The following FGGY variants were observed in gnomAD, a reference collection of about 807,000 sequenced individuals.
FGGY encodes the protein FGGY carbohydrate kinase domain containing.
In FGGY, 72 loss-of-function variants were observed where a neutral mutation model predicts 71.3. The ratio of observed to expected loss-of-function variants is 1.01; its 90% CI spans 0.84 to 1.23. The LOEUF is 1.23. FGGY is among the 50% of genes most tolerant of loss of function. The probability of loss-of-function intolerance (pLI) is 0.00; values close to 1 mark genes in which losing one functional copy is unlikely to be tolerated. For missense variants in FGGY, 668 were observed against 682.3 expected, an observed-to-expected ratio of 0.98 and a Z score of 0.23; for synonymous variants, 251 against 250.3, an observed-to-expected ratio of 1.00 and a Z score of -0.02.
At chr1:59,693,494 C>G (rs2097614208) in intron 14 of FGGY, among the ~76,000 whole-genome samples, 1 of 152,118 alleles carries the variant, frequency 6.6e-6, no homozygotes, top group Non-Finnish European at 1.5e-5. Context: ...CTGGCACAGG[C>G]AGCGTGTCAT....
intron 9 of FGGY, among the ~76,000 whole-genome samples, chr1:59,616,954 AAT>A (rs1369216335): frequency 1.3e-5 from 2 of 152,148 alleles, no homozygotes; most frequent in Non-Finnish European, 2.9e-5. Context: ...ATGGCCTTTT[AAT>A]ATGTTTTATT....
At chr1:59,632,193 A>C (rs909133102) in intron 10 of FGGY, among the ~76,000 whole-genome samples, 5 of 152,230 alleles carry the variant, frequency 3.3e-5, no homozygotes, top group African/African-American at 9.6e-5. Context: ...CATGCAGTAC[A>C]TACATGCAAA....
intron 4 of FGGY, among the ~76,000 whole-genome samples, chr1:59,366,737 T>G (rs1333434336): frequency 2.0e-5 from 3 of 152,168 alleles, no homozygotes; most frequent in Non-Finnish European, 4.4e-5. Context: ...TTCAGAAGTT[T>G]GTCATTTCAA....
intron 4 of FGGY, among the ~76,000 whole-genome samples, chr1:59,354,691 C>T (rs576373909): frequency 5.3e-5 from 8 of 152,152 alleles, no homozygotes; most frequent in East Asian, 1.9e-4. Context: ...CTTTGCTGGG[C>T]GCTGGAGATG....
intron 11 of FGGY, among the ~76,000 whole-genome samples, chr1:59,652,607 C>A (rs2153938771): frequency 7.1e-6 from 1 of 141,778 alleles, no homozygotes; most frequent in South Asian, 2.5e-4. Flanking sequence ...GCTCCATCGG[C>A]TCCTTTAAGC....
At chr1:59,560,499 A>T (rs1173382768) in intron 8 of FGGY, among the ~76,000 whole-genome samples, 2 of 152,232 alleles carry the variant, frequency 1.3e-5, no homozygotes, top group Non-Finnish European at 2.9e-5. Flanking sequence ...ACTTGACAAG[A>T]TAGTAATGAT....
At chr1:59,511,891 G>A (rs1399646143) in intron 6 of FGGY, among the ~76,000 whole-genome samples, 4 of 152,270 alleles carry the variant, frequency 2.6e-5, no homozygotes, top group African/African-American at 4.8e-5. Flanking sequence ...AGGAATATAC[G>A]TTCATTAGAG....
intron 9 of FGGY, among the ~76,000 whole-genome samples, chr1:59,614,100 A>G (rs2096722184): frequency 6.6e-6 from 1 of 152,230 alleles, no homozygotes; most frequent in African/African-American, 2.4e-5. Context: ...TCCTTCTGAA[A>G]CTATTCCAAT....
At chr1:59,656,584 G>C (rs1020862651) in intron 11 of FGGY, among the ~76,000 whole-genome samples, 15 of 152,204 alleles carry the variant, frequency 9.9e-5, no homozygotes, top group Non-Finnish European at 2.9e-5. Context: ...TCAGACCACA[G>C]TGTCTTTGCA....
intron 6 of FGGY, among the ~76,000 whole-genome samples, chr1:59,471,461 A>C (rs938091320): frequency 3.3e-5 from 5 of 152,156 alleles, no homozygotes; most frequent in Non-Finnish European, 5.9e-5. Context: ...TTTGCCTGTC[A>C]CCCTGAGCTT....
chr1:59,353,066 C>T (rs974999280), intron 4 of FGGY, among the ~76,000 whole-genome samples: 1 of 152,120 alleles, frequency 6.6e-6, no homozygotes. Flanking sequence ...CAGAAAAGTA[C>T]AGGATTTGGA....
chr1:59,718,397 G>A (rs2097860096), intron 14 of FGGY, among the ~76,000 whole-genome samples: 1 of 152,152 alleles, frequency 6.6e-6, no homozygotes, highest in South Asian at 2.1e-4. Flanking sequence ...AGTAATAAAG[G>A]GCTTGCCTTC....
intron 14 of FGGY, among the ~76,000 whole-genome samples, chr1:59,678,965 C>T (rs2097464730): frequency 6.6e-6 from 1 of 152,190 alleles, no homozygotes; most frequent in African/African-American, 2.4e-5. Context: ...CCACTGACTC[C>T]ATGCACTCTC....
Position 59,568,082 on chromosome 1 carries a change from G to T in FGGY, c.903+13855G>T, listed in dbSNP as rs2095906887. On this transcript the variant is annotated intron_variant, in intron 8 of 15. Transcript: ENST00000303721. ...TATATACAATATAATGCATAACACT[G>T]CCAGTGAAGTTTGGAGCAGCACCTG... 2.0e-5 allele frequency among the ~76,000 whole-genome samples: 3 copies of T among 152,030 alleles called. No homozygotes were observed. The South Asian group carries it at 6.2e-4, about 32-fold the overall frequency.
At chr1:59,662,019 G>A (rs974413936) in intron 12 of FGGY, among the ~76,000 whole-genome samples, 9 of 143,564 alleles carry the variant, frequency 6.3e-5, no homozygotes, top group African/African-American at 2.0e-4. Context: ...GCACCTGGCC[G>A]AGTTAAGAGG....
At chr1:59,589,712 A>C (rs1285341471) in intron 8 of FGGY, among the ~76,000 whole-genome samples, 1 of 152,262 alleles carries the variant, frequency 6.6e-6, no homozygotes, top group East Asian at 1.9e-4. Context: ...AAATGAAGGC[A>C]GTAATAAAGG....
At chr1:59,402,386 G>C (rs1396720920) in intron 5 of FGGY, among the ~76,000 whole-genome samples, 3 of 152,186 alleles carry the variant, frequency 2.0e-5, no homozygotes, top group Non-Finnish European at 4.4e-5. Context: ...GTAGGACCAA[G>C]AGTGGGCTAC....
chr1:59,572,973 C>T (rs1483224280), intron 8 of FGGY, among the ~76,000 whole-genome samples: 1 of 152,110 alleles, frequency 6.6e-6, no homozygotes, highest in Non-Finnish European at 1.5e-5. Flanking sequence ...AAGAAGTAGC[C>T]ATGTGGACAC....
chr1:59,314,344 A>G (rs2044996267), intron 1 of FGGY, among the ~76,000 whole-genome samples: 1 of 152,180 alleles, frequency 6.6e-6, no homozygotes, highest in Non-Finnish European at 1.5e-5. Context: ...TGAGGCCCAC[A>G]CTTTGAGTAA....
Sources: gnomAD v4.1 joint callset for allele counts (sites outside exome capture counted in the v4.1 genomes callset) on GRCh38, gnomAD v4.1.1 for gene constraint, MANE v1.5 for transcripts, NCBI Gene and HGNC (gene_info 2026-07-23, HGNC 2026-07-21) for gene names.